The following MACROD2 variants were observed in gnomAD, a reference collection of about 807,000 sequenced individuals.
MACROD2 encodes mono-ADP ribosylhydrolase 2.
A neutral mutation model predicts 70.4 loss-of-function variants in MACROD2; 36 were observed. That is an observed-to-expected ratio of 0.51 (90% confidence interval 0.39 to 0.68). MACROD2 has a LOEUF of 0.68. MACROD2 is among the 30% of genes least tolerant of loss of function. The pLI, the probability that MACROD2 is intolerant of heterozygous loss-of-function variation, is 0.00. For synonymous variants in MACROD2, 172 were observed against 178.8 expected (o/e 0.96, Z 0.30); for missense variants, 496 against 538.4 (o/e 0.92, Z 0.78).
chr20:14,553,277 C>T (rs905176906), intron 4 of MACROD2, among the ~76,000 whole-genome samples: 5 of 151,872 alleles, frequency 3.3e-5, no homozygotes, highest in African/African-American at 1.2e-4. Context: ...CACTGTCTTC[C>T]ACCTCCACAT....
Position 14,372,198 on chromosome 20 carries a change from A to G in MACROD2, c.272-121281A>G, listed in dbSNP as rs191733360. 5.0e-4 allele frequency among the ~76,000 whole-genome samples: 76 copies of G among 152,288 alleles called. 1 individual carries two copies. Among genetic ancestry groups the G allele is most frequent in the African/African-American group, 1.8e-3 (75 of 41,564 alleles). The stretch of plus-strand genomic sequence containing the variant: ...CGGAAGTACTACATCATGCTGTCCT[A>G]TTTTATGCTGATAAATGAACTTCAA... On this transcript the variant is annotated intron_variant, in intron 3 of 17. Coordinates refer to ENST00000684519, the MANE Select transcript of MACROD2 (RefSeq NM_001351661.2).
chr20:14,716,889 G>A lies in MACROD2; in HGVS notation c.418+31930G>A, dbSNP rs568480244. On this transcript the variant is annotated intron_variant, in intron 5 of 17. Transcript: ENST00000684519. Reference sequence around the variant, plus strand: ...GGAAAGGAACCTGGCATATTAATTGGCTTTGTTTTTAGAGATGCAGGTGAA... The same window carrying A: ...GGAAAGGAACCTGGCATATTAATTGACTTTGTTTTTAGAGATGCAGGTGAA... Among the ~76,000 whole-genome samples the A allele has an allele frequency of 2.0e-5, 3 of 152,140 alleles. No individual in the cohort carries two copies. In the South Asian group the frequency reaches 6.2e-4, roughly 32 times the overall value.
chr20:14,975,172 G>A (rs1238619676), intron 5 of MACROD2, among the ~76,000 whole-genome samples: 1 of 152,074 alleles, frequency 6.6e-6, no homozygotes, highest in South Asian at 2.1e-4. Flanking sequence ...GGGGTGAGGG[G>A]CAGGGTGCCA....
chr20:15,503,898 A>G (rs2047394623), intron 8 of MACROD2, among the ~76,000 whole-genome samples: 2 of 152,214 alleles, frequency 1.3e-5, no homozygotes, highest in African/African-American at 4.8e-5. Flanking sequence ...GTCTCCCATC[A>G]GTGCTCATGC....
Position 13,996,190 on chromosome 20 carries a change from T to A in MACROD2, c.46+381T>A, listed in dbSNP as rs113772106. On this transcript the variant is annotated intron_variant, in intron 1 of 17. Coordinates refer to ENST00000684519, the MANE Select transcript of MACROD2 (RefSeq NM_001351661.2). The stretch of plus-strand genomic sequence containing the variant: ...GACTTGGGCACTGCCGGCCTGGGTG[T>A]CCCGCGGACAGGTGCCCGTCGGCGG... 8 of 241,408 alleles carry A rather than the reference T, an allele frequency of 3.3e-5. No homozygotes were observed. In the East Asian group the frequency reaches 9.7e-4, roughly 29 times the overall value. The allele number at this position is 241,408 out of a possible 1,614,324, so 15.0% of individuals were successfully genotyped here.
chr20:15,591,509 G>A (rs1292248033), intron 8 of MACROD2, among the ~76,000 whole-genome samples: 2 of 144,200 alleles, frequency 1.4e-5, no homozygotes, highest in Non-Finnish European at 3.0e-5. Flanking sequence ...TCATAGACAC[G>A]TTGCTGCTTA....
chr20:14,727,851 C>G (rs528667737), intron 5 of MACROD2, among the ~76,000 whole-genome samples: 1 of 152,270 alleles, frequency 6.6e-6, no homozygotes, highest in South Asian at 2.1e-4. Flanking sequence ...AGTCCCATTT[C>G]ACTCTGAGAT....
chr20:15,528,988 T>G (rs2047759750), intron 8 of MACROD2, among the ~76,000 whole-genome samples: 1 of 152,154 alleles, frequency 6.6e-6, no homozygotes, highest in Non-Finnish European at 1.5e-5. Context: ...ACAAAGACAC[T>G]CCTAATGTAA....
At chr20:15,152,080 G>A (rs1601146362) in intron 5 of MACROD2, among the ~76,000 whole-genome samples, 1 of 151,956 alleles carries the variant, frequency 6.6e-6, no homozygotes, top group Non-Finnish European at 1.5e-5. Flanking sequence ...TGGACGTCAG[G>A]CATCTCAGAC....
rs148772888 is a variant in MACROD2, at chr20:15,393,949, T to C, written c.541-37456T>C. ...CCTTGCCTCTGACCTTCCCTTCATATTACTCTCTGAATTACAAGTTCCTGA... is the reference window on the plus strand; with the variant it reads ...CCTTGCCTCTGACCTTCCCTTCATACTACTCTCTGAATTACAAGTTCCTGA... On this transcript the variant is annotated intron_variant, in intron 6 of 17. Coordinates refer to ENST00000684519, the MANE Select transcript of MACROD2 (RefSeq NM_001351661.2). Among the ~76,000 whole-genome samples, 178 of 152,312 alleles carry C rather than the reference T, an allele frequency of 1.2e-3. 3 individuals carry two copies. Among genetic ancestry groups the C allele is most frequent in the African/African-American group, 4.2e-3 (176 of 41,570 alleles).
intron 5 of MACROD2, among the ~76,000 whole-genome samples, chr20:14,939,853 T>C (rs1301303852): frequency 1.3e-5 from 2 of 152,032 alleles, no homozygotes; most frequent in African/African-American, 2.4e-5. Context: ...GTATTTTATA[T>C]TCTTTGTAGC....
chr20:15,962,050 C>T (rs543914718), intron 12 of MACROD2, among the ~76,000 whole-genome samples: 2 of 152,230 alleles, frequency 1.3e-5, no homozygotes, highest in Non-Finnish European at 2.9e-5. Context: ...ATGGTCCAAA[C>T]CAGCTTCATA....
At chr20:14,733,241 T>A (rs1252727907) in intron 5 of MACROD2, among the ~76,000 whole-genome samples, 3 of 152,170 alleles carry the variant, frequency 2.0e-5, no homozygotes, top group Non-Finnish European at 4.4e-5. Context: ...TTTATCTTTT[T>A]TGACATTGCA....
At position 14,547,861 on chromosome 20, in the gene MACROD2, C is replaced by T. The variant is rs116818463; in HGVS notation, c.301+54353C>T. On this transcript the variant is annotated intron_variant, in intron 4 of 17. Coordinates refer to ENST00000684519, the MANE Select transcript of MACROD2 (RefSeq NM_001351661.2). ...TCCAAAATGGCTTCTCTTTTTCCAG[C>T]GTCTCCTCTGTATGGCTCTAATCAT... Among the ~76,000 whole-genome samples the T allele has an allele frequency of 9.8e-3, 1,488 of 152,154 alleles. 13 individuals carry two copies. The highest frequency in any genetic ancestry group is 0.025 in the African/African-American group (1,057 of 41,498).
At chr20:15,722,370 C>T (rs551398398) in intron 8 of MACROD2, among the ~76,000 whole-genome samples, 73 of 152,146 alleles carry the variant, frequency 4.8e-4, no homozygotes, top group African/African-American at 1.3e-3. Flanking sequence ...ACATCCTCAC[C>T]GACATTTTGC....
chr20:15,549,577 C>T (rs1469901398), intron 8 of MACROD2, among the ~76,000 whole-genome samples: 2 of 152,188 alleles, frequency 1.3e-5, no homozygotes, highest in African/African-American at 4.8e-5. Context: ...TATAATTCAA[C>T]ACAGACAGAG....
intron 3 of MACROD2, among the ~76,000 whole-genome samples, chr20:14,150,567 T>G (rs2055004718): frequency 6.6e-6 from 1 of 152,192 alleles, no homozygotes; most frequent in African/African-American, 2.4e-5. Context: ...ATAAAAATAT[T>G]AGGAAGAAGG....
intron 2 of MACROD2, among the ~76,000 whole-genome samples, chr20:14,084,114 C>A: frequency 7.5e-6 from 1 of 133,826 alleles, no homozygotes; most frequent in Non-Finnish European, 1.6e-5. Context: ...GAAGCGGTTA[C>A]TAAGAAGGGA....
intron 5 of MACROD2, among the ~76,000 whole-genome samples, chr20:14,725,767 T>G (rs763188529): frequency 1.3e-5 from 2 of 152,128 alleles, no homozygotes; most frequent in Non-Finnish European, 2.9e-5. Context: ...GGTGAGGACA[T>G]AGATGTATTC....
Sources: allele counts gnomAD v4.1 joint callset (sites outside exome capture counted in the v4.1 genomes callset), GRCh38; gene constraint gnomAD v4.1.1; transcripts MANE v1.5; gene names NCBI Gene and HGNC (gene_info 2026-07-23, HGNC 2026-07-21).